The following MFSD6 variants were observed in gnomAD, a reference collection of about 807,000 sequenced individuals.
MFSD6 encodes the protein major facilitator superfamily domain-containing protein 6.
A neutral mutation model predicts 56.3 loss-of-function variants in MFSD6; 26 were observed. The observed-to-expected ratio is 0.46, with a 90% CI of 0.34 to 0.64. MFSD6 has a LOEUF of 0.64. MFSD6 is among the 30% of genes least tolerant of loss of function. MFSD6 has a pLI of 0.01. For missense variants in MFSD6, 750 were observed against 986.2 expected (o/e 0.76, Z 3.21); for synonymous variants, 331 against 366.9 (o/e 0.90, Z 1.12).
rs1202407315 is a variant in MFSD6, at chr2:190,434,525, T to C, written c.-53-1452T>C. ...ATCTCAGCTCACTGCAACCTCCGCC[T>C]CCTGGGTTCGAGCAATTTGCCTGCC... On this transcript the variant is annotated intron_variant, in intron 2 of 7. Transcript: ENST00000392328. This position sits in a 1 kb window ranked among gnomAD's most constrained non-coding sequence, Gnocchi z 4.3. Among the ~76,000 whole-genome samples, 1 of 152,242 alleles carries C rather than the reference T, an allele frequency of 6.6e-6. No individual in the cohort carries two copies. The highest frequency in any genetic ancestry group is 2.1e-4 in the South Asian group (1 of 4,836).
rs1351703611 is a variant in MFSD6 at position 190,457,471 on chromosome 2, A to G, written c.1533-12287A>G. Among the ~76,000 whole-genome samples, 1 of 152,212 alleles carries G rather than the reference A, an allele frequency of 6.6e-6. No individual in the cohort carries two copies. The highest frequency in any genetic ancestry group is 2.4e-5 in the African/African-American group (1 of 41,450). On this transcript the variant is annotated intron_variant, in intron 3 of 7. Coordinates refer to ENST00000392328, the MANE Select transcript of MFSD6 (RefSeq NM_017694.4). The surrounding 1 kb of genome is among the most constrained non-coding windows in gnomAD (Gnocchi z 5.1). ...TGCTGACAAGTCAAAAATGTGCACA[A>G]AGCCATTCAAACAGACCATCTAGCC...
intron 4 of MFSD6, among the ~76,000 whole-genome samples, chr2:190,474,792 A>T (rs1247202523): frequency 6.6e-6 from 1 of 152,246 alleles, no homozygotes; most frequent in Non-Finnish European, 1.5e-5. Context: ...AATATTCCTG[A>T]TGAAGATAGA....
Position 190,453,270 on chromosome 2 carries a change from C to A in MFSD6, c.1532+15709C>A, listed in dbSNP as rs147649134. Among the ~76,000 whole-genome samples, 259 of 152,008 alleles carry A rather than the reference C, an allele frequency of 1.7e-3. 2 individuals are homozygous for A. The highest frequency in any genetic ancestry group is 0.015 in the Admixed American group (230 of 15,238). The stretch of plus-strand genomic sequence containing the variant: ...TGGTGCCACTCACCAAGGAGAAGAA[C>A]CCAGGAAGAGAGGTGTGGGCTCTGG... On this transcript the variant is annotated intron_variant, in intron 3 of 7. Coordinates refer to ENST00000392328, the MANE Select transcript of MFSD6 (RefSeq NM_017694.4).
At position 190,490,562 on chromosome 2, in the gene MFSD6, C is replaced by CA. The variant is rs58276775; in HGVS notation, c.1891+706dup. On this transcript the variant is annotated intron_variant, in intron 6 of 7. Coordinates refer to ENST00000392328, the MANE Select transcript of MFSD6 (RefSeq NM_017694.4). The surrounding 1 kb of genome is among the most constrained non-coding windows in gnomAD (Gnocchi z 4.5). ...TGGGGGAACGAGCAAGACTCCCTCT[C>CA]AAAAAAAAAACAAAAAACAAAGACA... Among the ~76,000 whole-genome samples the CA allele has an allele frequency of 0.15, 21,994 of 143,996 alleles. 1,829 individuals are homozygous for CA. Among genetic ancestry groups the CA allele is most frequent in the Middle Eastern group, 0.22 (62 of 286 alleles). 94.5% of individuals were successfully genotyped at this position (143,996 alleles called of 152,430 possible). A position where few individuals can be genotyped will look rare whatever the true frequency, so the allele number is the denominator to read the frequency against.
upstream of MFSD6, among the ~76,000 whole-genome samples, chr2:190,408,155 G>T (rs1194939194): frequency 1.3e-5 from 2 of 151,888 alleles, no homozygotes; most frequent in Non-Finnish European, 2.9e-5. Context: ...CTGGCGGCCG[G>T]TCCTCAGCGC....
At chr2:190,483,421 C>T (rs947277619) in intron 4 of MFSD6, among the ~76,000 whole-genome samples, 15 of 152,076 alleles carry the variant, frequency 9.9e-5, no homozygotes, top group Admixed American at 2.6e-4. Context: ...TATCTCTGTG[C>T]CTTGGTTTCC....
intron 3 of MFSD6, among the ~76,000 whole-genome samples, chr2:190,442,383 G>A (rs2125065042): frequency 6.6e-6 from 1 of 152,188 alleles, no homozygotes; most frequent in Non-Finnish European, 1.5e-5. Flanking sequence ...ATGGATGCTG[G>A]GATCAGTAAC....
rs931851468 is a variant in MFSD6 at position 190,474,392 on chromosome 2, C to T, written c.1630+4537C>T. ...AAAATGATAAAGGGGATATCACCAC[C>T]GATCCCACAGAAATACAAACTACCA... is the stretch of plus-strand genomic sequence containing the variant. On this transcript the variant is annotated intron_variant, in intron 4 of 7. Transcript: ENST00000392328. 1.3e-4 allele frequency among the ~76,000 whole-genome samples: 20 copies of T among 152,180 alleles called. No individual in the cohort carries two copies. The East Asian group carries it at 1.3e-3, about 10-fold the overall frequency.
At chr2:190,483,727 C>T (rs575576194) in intron 4 of MFSD6, among the ~76,000 whole-genome samples, 40 of 149,790 alleles carry the variant, frequency 2.7e-4, no homozygotes, top group East Asian at 2.4e-3. Context: ...CCCAGCTACT[C>T]GGAAGGCTGA....
rs1430680908 is a variant in MFSD6 at position 190,497,459 on chromosome 2, A to G, written c.1912A>G (p.Arg638Gly). ...TCCAGACAAGACAATGTTGGCAGAA[A>G]GAATTCCTGTTCCCTCCAGTCCCGT... ...EEEDKTMLAE[R>G]IPVPSSPVPI... The change falls in exon 7 of 8, where the codon AGA (arginine) becomes GGA (glycine). Residue 638 changes from arginine (R) to glycine (G), a missense_variant. This residue lies in a region of MFSD6 where 172 missense variants were observed against 203.9 expected (regional missense o/e 0.84). Coordinates refer to ENST00000392328, the MANE Select transcript of MFSD6 (RefSeq NM_017694.4). The surrounding 1 kb of genome is among the most constrained non-coding windows in gnomAD (Gnocchi z 5.2). 1.2e-6 allele frequency: 2 copies of G among 1,613,914 alleles called. No individual in the cohort carries two copies. Among genetic ancestry groups the G allele is most frequent in the East Asian group, 2.2e-5 (1 of 44,888 alleles).
In MFSD6 at chr2:190,410,039, C is replaced by G. The variant is rs1297322123; in HGVS notation, c.-176+1536C>G. Reference sequence around the variant, plus strand: ...CCTTCATGTTTACAGCAGTTTATTTCTAAGGCACTTTCCATCTCTATACAA... The same window carrying G: ...CCTTCATGTTTACAGCAGTTTATTTGTAAGGCACTTTCCATCTCTATACAA... On this transcript the variant is annotated intron_variant, in intron 1 of 7. Coordinates refer to ENST00000392328, the MANE Select transcript of MFSD6 (RefSeq NM_017694.4). This position sits in a 1 kb window ranked among gnomAD's most constrained non-coding sequence, Gnocchi z 4.4. 2.0e-5 allele frequency among the ~76,000 whole-genome samples: 3 copies of G among 152,148 alleles called. No individual in the cohort carries two copies. The highest frequency in any genetic ancestry group is 2.9e-5 in the Non-Finnish European group (2 of 68,024).
At chr2:190,481,671 G>T (rs1688673867) in intron 4 of MFSD6, among the ~76,000 whole-genome samples, 1 of 152,218 alleles carries the variant, frequency 6.6e-6, no homozygotes, top group Non-Finnish European at 1.5e-5. Context: ...AGCCTAGCAG[G>T]CTATCTGGCA....
At chr2:190,446,134 G>A (rs1282547585) in intron 3 of MFSD6, among the ~76,000 whole-genome samples, 1 of 152,150 alleles carries the variant, frequency 6.6e-6, no homozygotes, top group Admixed American at 6.5e-5. Context: ...ACCATCAAAT[G>A]ATCTTCAGGA....
In MFSD6 at chr2:190,438,373, G is replaced by A. The variant is rs568080454; in HGVS notation, c.1532+812G>A. Among the ~76,000 whole-genome samples, 2 of 152,184 alleles carry A rather than the reference G, an allele frequency of 1.3e-5. No individual in the cohort carries two copies. The highest frequency in any genetic ancestry group is 4.1e-4 in the South Asian group (2 of 4,824). ...TCTACTAAAAATACAAAAGTTAGCCGGGCATGGTGGCACGCACCCGTAGTC... is the reference window on the plus strand; with the variant it reads ...TCTACTAAAAATACAAAAGTTAGCCAGGCATGGTGGCACGCACCCGTAGTC... On this transcript the variant is annotated intron_variant, in intron 3 of 7. Transcript: ENST00000392328. The surrounding 1 kb of genome is among the most constrained non-coding windows in gnomAD (Gnocchi z 5.2).
chr2:190,479,391 G>A lies in MFSD6; in HGVS notation c.1631-9266G>A, dbSNP rs533544545. On this transcript the variant is annotated intron_variant, in intron 4 of 7. Coordinates refer to ENST00000392328, the MANE Select transcript of MFSD6 (RefSeq NM_017694.4). ...AGAAATCTGCAGTGTATTTAAAAAA[G>A]AGACAGGGAGTCTACGTGCCTAAAA... is the stretch of plus-strand genomic sequence containing the variant. Among the ~76,000 whole-genome samples, 6 of 152,276 alleles carry A rather than the reference G, an allele frequency of 3.9e-5. No individual in the cohort carries two copies. In the South Asian group the frequency reaches 1.2e-3, roughly 32 times the overall value.
At chr2:190,444,062 A>G (rs1449032740) in intron 3 of MFSD6, among the ~76,000 whole-genome samples, 1 of 152,222 alleles carries the variant, frequency 6.6e-6, no homozygotes, top group Non-Finnish European at 1.5e-5. Context: ...TTCAAAAAAG[A>G]AAAGGAGAAA....
intron 2 of MFSD6, among the ~76,000 whole-genome samples, chr2:190,420,955 T>G (rs1685590806): frequency 6.6e-6 from 1 of 152,220 alleles, no homozygotes; most frequent in Non-Finnish European, 1.5e-5. Context: ...AACATTTCCA[T>G]AACGACTTTG....
intron 1 of MFSD6, 41 bp downstream of exon 1, chr2:190,408,544 C>G (rs910953475): frequency 6.6e-6 from 1 of 151,688 alleles, no homozygotes; most frequent in African/African-American, 2.4e-5. Context: ...CTCGCAGACC[C>G]GCCCTGGCCT....
rs190544490 is a variant in MFSD6 at position 190,423,462 on chromosome 2, G to A, written c.-54+8049G>A. Among the ~76,000 whole-genome samples, 158 of 152,174 alleles carry A rather than the reference G, an allele frequency of 1.0e-3. No individual in the cohort carries two copies. Among genetic ancestry groups the A allele is most frequent in the Non-Finnish European group, 1.8e-3 (125 of 68,002 alleles). ...ATCCAGTTTATTGCATGTATCAATC[G>A]TTTGCTCCTTTTTATTGCTGCATAA... On this transcript the variant is annotated intron_variant, in intron 2 of 7. Transcript: ENST00000392328. This position sits in a 1 kb window ranked among gnomAD's most constrained non-coding sequence, Gnocchi z 4.3.
Sources: allele counts gnomAD v4.1 joint callset (sites outside exome capture counted in the v4.1 genomes callset), GRCh38; gene constraint gnomAD v4.1.1; regional missense constraint gnomAD v4.1.1; non-coding constraint Gnocchi (gnomAD v3.1); transcripts MANE v1.5; gene names NCBI Gene and HGNC (gene_info 2026-07-23, HGNC 2026-07-21).